HNF1B: variants seen among roughly 807,000 people sequenced by gnomAD.
HNF1B encodes the protein HNF1 homeobox B.
HNF1B carries 8 observed loss-of-function variants against 61.7 expected under a neutral mutation model. The observed-to-expected ratio is 0.13, with a 90% CI of 0.08 to 0.23. The LOEUF (loss-of-function observed/expected upper bound fraction) is 0.23, where lower values mean the gene tolerates loss of function less well. Among genes scored for constraint, HNF1B ranks in the 10% least tolerant of loss-of-function variants. HNF1B has a pLI of 1.00. For missense variants in HNF1B, 562 were observed against 714.5 expected, an observed-to-expected ratio of 0.79 and a Z score of 2.43; for synonymous variants, 314 against 287.7, an observed-to-expected ratio of 1.09 and a Z score of -0.93.
At chr17:37,738,011 A>G (rs1420595320) in intron 2 of HNF1B, among the ~76,000 whole-genome samples, 1 of 152,204 alleles carries the variant, frequency 6.6e-6, no homozygotes, top group Non-Finnish European at 1.5e-5. Flanking sequence ...CTTTCTGAAG[A>G]AATTCTCATT....
intron 4 of HNF1B, among the ~76,000 whole-genome samples, chr17:37,725,298 C>T (rs2033460977): frequency 2.0e-5 from 3 of 152,146 alleles, no homozygotes; most frequent in African/African-American, 7.2e-5. Context: ...TAGGCATGAC[C>T]CTTTGGTGAT....
chr17:37,728,709 G>A (rs921541429), intron 4 of HNF1B: 2 of 152,208 alleles, frequency 1.3e-5, no homozygotes, highest in African/African-American at 4.8e-5. Context: ...AGTGCCATGC[G>A]GCTCTACAGA....
At chr17:37,710,368 C>T (rs148280740) in intron 5 of HNF1B, 135 bp downstream of exon 5, 13 of 1,194,568 alleles carry the variant, frequency 1.1e-5, no homozygotes, top group East Asian at 2.3e-5. Context: ...CTCTCCTTTC[C>T]GACTCTGGAC....
chr17:37,737,565 C>T (rs778196324), intron 2 of HNF1B, among the ~76,000 whole-genome samples: 1 of 152,068 alleles, frequency 6.6e-6, no homozygotes, highest in East Asian at 1.9e-4. Flanking sequence ...CGGTGGCTCA[C>T]CCCTGTAATC....
At chr17:37,688,212 C>T (rs1293826924) in intron 8 of HNF1B, among the ~76,000 whole-genome samples, 2 of 152,186 alleles carry the variant, frequency 1.3e-5, no homozygotes, top group Non-Finnish European at 2.9e-5. Flanking sequence ...CCTTGCCCTC[C>T]AGTGCCTGGG....
intron 5 of HNF1B, among the ~76,000 whole-genome samples, chr17:37,705,964 T>G (rs999778144): frequency 2.0e-5 from 3 of 152,176 alleles, no homozygotes; most frequent in Non-Finnish European, 4.4e-5. Flanking sequence ...CAAAATAATT[T>G]TTTTCTTTTT....
At chr17:37,720,897 A>G in intron 4 of HNF1B, 1 of 985,448 alleles carries the variant, frequency 1.0e-6, no homozygotes, top group Non-Finnish European at 1.2e-6. Flanking sequence ...AGGGTTGTAG[A>G]CAATGAAGAA....
chr17:37,734,134 C>G (rs1229195954), intron 2 of HNF1B, among the ~76,000 whole-genome samples: 1 of 152,212 alleles, frequency 6.6e-6, no homozygotes, highest in Non-Finnish European at 1.5e-5. Context: ...AAGCAACACT[C>G]TGCATCCTGA....
At chr17:37,687,825 T>G (rs1337412988) in intron 8 of HNF1B, among the ~76,000 whole-genome samples, 1 of 152,140 alleles carries the variant, frequency 6.6e-6, no homozygotes, top group Non-Finnish European at 1.5e-5. Context: ...TTCTCGAACT[T>G]TAACGGACCC....
chr17:37,739,318 C>G (rs2033921570), intron 2 of HNF1B, 122 bp downstream of exon 2: 1 of 913,334 alleles, frequency 1.1e-6, no homozygotes, highest in African/African-American at 1.6e-5. Context: ...TACTTGCCAC[C>G]TTCCTCATAT....
intron 4 of HNF1B, chr17:37,730,147 C>T (rs2033639783): frequency 6.5e-6 from 1 of 152,694 alleles, no homozygotes; most frequent in South Asian, 2.1e-4. Context: ...AACACAATGG[C>T]CATTGTCTTC....
intron 8 of HNF1B, among the ~76,000 whole-genome samples, chr17:37,694,344 T>G (rs1048319239): frequency 6.8e-6 from 1 of 146,894 alleles, no homozygotes; most frequent in African/African-American, 2.5e-5. Context: ...CAGAATCGCT[T>G]GAACCTGGGA....
chr17:37,737,829 C>T (rs1056323218), intron 2 of HNF1B, among the ~76,000 whole-genome samples: 7 of 151,952 alleles, frequency 4.6e-5, no homozygotes, highest in Admixed American at 3.3e-4. Flanking sequence ...AGCGAGACCC[C>T]GTCTCAAAAA....
intron 4 of HNF1B, among the ~76,000 whole-genome samples, chr17:37,722,680 C>A (rs531287662): frequency 8.5e-5 from 13 of 152,284 alleles, no homozygotes; most frequent in African/African-American, 2.9e-4. Context: ...TTGGAAGCAT[C>A]GAGTCCCCCC....
chr17:37,701,389 C>G (rs2032566502), intron 6 of HNF1B, among the ~76,000 whole-genome samples: 1 of 152,194 alleles, frequency 6.6e-6, no homozygotes, highest in African/African-American at 2.4e-5. Flanking sequence ...TGGAGATGGG[C>G]ATTAAACAGA....
At chr17:37,713,629 G>GA (rs2033009607) in intron 4 of HNF1B, among the ~76,000 whole-genome samples, 1 of 152,196 alleles carries the variant, frequency 6.6e-6, no homozygotes, top group Non-Finnish European at 1.5e-5. Context: ...GAAACTGGGG[G>GA]ATCCCTGTTT....
intron 8 of HNF1B, among the ~76,000 whole-genome samples, chr17:37,694,920 C>G (rs927441592): frequency 6.6e-6 from 1 of 152,084 alleles, no homozygotes; most frequent in Non-Finnish European, 1.5e-5. Flanking sequence ...GGAAGCAGAG[C>G]GTAAAAGTTT....
rs1388655739 is a variant in HNF1B at position 37,730,740 on chromosome 17, G to A, written c.1045+855C>T. On this transcript the variant is annotated intron_variant, in intron 4 of 8. Coordinates refer to ENST00000617811, the MANE Select transcript of HNF1B (RefSeq NM_000458.4). ...GCCCTTTTCTTGGAGCAGGCAGGAG[G>A]CTGCTACACTTTGTCCTCATGGGCA... is the stretch of plus-strand genomic sequence containing the variant. The A allele has an allele frequency of 2.0e-5, 3 of 152,260 alleles. No individual in the cohort carries two copies. The East Asian group carries it at 5.8e-4, about 29-fold the overall frequency. The allele number at this position is 152,260 out of a possible 1,614,324, so 9.4% of individuals were successfully genotyped here. A position where few individuals can be genotyped will look rare whatever the true frequency, so the allele number is the denominator to read the frequency against.
rs1568664272 is a variant in HNF1B at position 37,731,821 on chromosome 17, A to G, written c.819T>C (p.Cys273=). The change falls in exon 4 of 9, where the codon TGT becomes TGC. Residue 273 remains cysteine, a synonymous_variant. Transcript: ENST00000617811. ...ALVEECNRAE[C]LQRGVSPSKA... ...TGGAGGGGGACACCCCTCGCTGCAA[A>G]CATTCTGCCCTGGGAATGGATGGAG... is the stretch of plus-strand genomic sequence containing the variant. 1 of 1,601,682 alleles carries G rather than the reference A, an allele frequency of 6.2e-7. No individual in the cohort carries two copies. Among genetic ancestry groups the G allele is most frequent in the Admixed American group, 1.7e-5 (1 of 59,608 alleles).
Sources: allele counts gnomAD v4.1 joint callset (sites outside exome capture counted in the v4.1 genomes callset), GRCh38; gene constraint gnomAD v4.1.1; transcripts MANE v1.5; gene names NCBI Gene and HGNC (gene_info 2026-07-23, HGNC 2026-07-21).